The following MRTFA variants were observed in gnomAD, a reference collection of about 807,000 sequenced individuals.
The protein encoded by MRTFA is myocardin related transcription factor A, also known as myocardin-related transcription factor A.
In MRTFA, 20 loss-of-function variants were observed where a neutral mutation model predicts 83.5. The ratio of observed to expected loss-of-function variants is 0.24; its 90% CI spans 0.17 to 0.35. MRTFA has a LOEUF of 0.35. Ranked by LOEUF, MRTFA falls within the 10% of genes least tolerant of loss-of-function variation. The pLI is 1.00. For synonymous variants in MRTFA, 659 were observed against 541.2 expected (o/e 1.22, Z -3.02); for missense variants, 1,200 against 1,224.7 (o/e 0.98, Z 0.30).
chr22:40,546,638 G>A (rs1418885962), intron 3 of MRTFA, among the ~76,000 whole-genome samples: 1 of 152,216 alleles, frequency 6.6e-6, no homozygotes, highest in African/African-American at 2.4e-5. Flanking sequence ...AGAAAGCAAT[G>A]ACTGTAAACT....
rs1312569808 is a variant in MRTFA, at chr22:40,411,727, C to T, written c.2759G>A (p.Ser920Asn). 10 of 1,562,002 alleles carry T rather than the reference C, an allele frequency of 6.4e-6. No individual in the cohort carries two copies. The highest frequency in any genetic ancestry group is 8.7e-6 in the Non-Finnish European group (10 of 1,148,242). Residue 920 changes from serine to asparagine, a missense_variant, in exon 15 of 15, where the codon AGC (serine) becomes AAC (asparagine). Physicochemically the swap from Ser to Asn is conservative, Grantham distance 46. This residue lies in a region of MRTFA where 1,107 missense variants were observed against 1,041.8 expected (regional missense o/e 1.06). Coordinates refer to ENST00000355630, the MANE Select transcript of MRTFA (RefSeq NM_020831.6). The stretch of plus-strand genomic sequence containing the variant: ...GGTCAGCAGGGGCAGCCCCGTGCTG[C>T]TCTCCAGGAAGTCCTCCAGGCGTCC...
intron 3 of MRTFA, among the ~76,000 whole-genome samples, chr22:40,474,404 G>A (rs1203089449): frequency 2.6e-5 from 4 of 152,080 alleles, no homozygotes; most frequent in South Asian, 2.1e-4. Flanking sequence ...AATTGTTTAC[G>A]ATGCTAAAAC....
chr22:40,419,092 G>A lies in MRTFA; in HGVS notation c.1646C>T (p.Ser549Phe), dbSNP rs1177859414. ...GGGGGTGGGAGACACGGGGGGCGTG[G>A]AGCCCGTGCTGCCAAACTTCACCAC... is the stretch of plus-strand genomic sequence containing the variant. The change falls in exon 12 of 15, where the codon TCC becomes TTC. Residue 549 changes from serine to phenylalanine, a missense_variant. By Grantham distance (155) the Ser-to-Phe change is radical. Around this residue, in one of 2 missense-constraint regions of MRTFA, gnomAD observed 1,107 missense variants for 1,041.8 expected, o/e 1.06. Coordinates refer to ENST00000355630, the MANE Select transcript of MRTFA (RefSeq NM_020831.6). 5 of 1,600,468 alleles carry A rather than the reference G, an allele frequency of 3.1e-6. No individual in the cohort carries two copies. The highest frequency in any genetic ancestry group is 2.3e-5 in the East Asian group (1 of 44,108).
chr22:40,587,451 G>A (rs576285923), intron 2 of MRTFA: 5 of 343,352 alleles, frequency 1.5e-5, no homozygotes, highest in Admixed American at 4.1e-5. Context: ...CTCATTTGCT[G>A]AGAGGCATAG....
In MRTFA at chr22:40,503,064, C is replaced by T. The variant is rs1373981127; in HGVS notation, c.242-39778G>A. Among the ~76,000 whole-genome samples, 3 of 152,164 alleles carry T rather than the reference C, an allele frequency of 2.0e-5. No homozygotes were observed. In the East Asian group the frequency reaches 5.8e-4, roughly 29 times the overall value. On this transcript the variant is annotated intron_variant, in intron 3 of 14. Coordinates refer to ENST00000355630, the MANE Select transcript of MRTFA (RefSeq NM_020831.6). ...TAGTAAAGCTTCTGAACAACCTGTG[C>T]CTCCCTGCTCTGCTCTATTCTGCTT... is the stretch of plus-strand genomic sequence containing the variant.
intron 4 of MRTFA, among the ~76,000 whole-genome samples, chr22:40,440,859 G>A (rs2053262277): frequency 1.3e-5 from 2 of 152,142 alleles, no homozygotes; most frequent in African/African-American, 4.8e-5. Flanking sequence ...CAGAAAATAG[G>A]TTTCCAAGTT....
At chr22:40,552,917 T>C (rs1446636253) in intron 2 of MRTFA, among the ~76,000 whole-genome samples, 1 of 152,196 alleles carries the variant, frequency 6.6e-6, no homozygotes. Flanking sequence ...GTTTGGAACT[T>C]CCTAGAGACC....
intron 3 of MRTFA, among the ~76,000 whole-genome samples, chr22:40,469,446 C>T (rs2053863696): frequency 6.6e-6 from 1 of 152,174 alleles, no homozygotes; most frequent in African/African-American, 2.4e-5. Context: ...CTTCCTGAGG[C>T]CTCTCTAGAA....
intron 13 of MRTFA, 143 bp from the exon 14 acceptor site, chr22:40,417,189 C>A (rs991206572): frequency 2.9e-6 from 4 of 1,357,874 alleles, no homozygotes; most frequent in African/African-American, 1.5e-5. Flanking sequence ...ACTCCTGGAG[C>A]CCGTCCCCTA....
intron 3 of MRTFA, among the ~76,000 whole-genome samples, chr22:40,498,558 T>C (rs1311959200): frequency 6.6e-6 from 1 of 151,896 alleles, no homozygotes; most frequent in Non-Finnish European, 1.5e-5. Flanking sequence ...GCGGTAAGAT[T>C]ATAAGCATGA....
intron 4 of MRTFA, among the ~76,000 whole-genome samples, chr22:40,455,300 T>C (rs2053562034): frequency 6.6e-6 from 1 of 152,174 alleles, no homozygotes; most frequent in Non-Finnish European, 1.5e-5. Flanking sequence ...TAACATACTA[T>C]TGGACAGGGC....
chr22:40,621,587 G>C (rs2056523760), intron 1 of MRTFA, among the ~76,000 whole-genome samples: 1 of 152,142 alleles, frequency 6.6e-6, no homozygotes, highest in Admixed American at 6.6e-5. Context: ...CCACTGGACA[G>C]TACACTTAAA....
rs1385572834 is a variant in MRTFA at position 40,447,360 on chromosome 22, AG to A, written c.308-11807del. Among the ~76,000 whole-genome samples, 2 of 151,688 alleles carry A rather than the reference AG, an allele frequency of 1.3e-5. 1 individual carries two copies. The highest frequency in any genetic ancestry group is 2.9e-5 in the Non-Finnish European group (2 of 67,934). On this transcript the variant is annotated intron_variant, in intron 4 of 14. Transcript: ENST00000355630. ...AGAGTCTTTGTTTCAAAAAAAAAAA[AG>A]AAAAAAGAAAAAAAAAGTGACATTG...
rs561550339 is a variant in MRTFA, at chr22:40,528,437, C to G, written c.241+23669G>C. On this transcript the variant is annotated intron_variant, in intron 3 of 14. Coordinates refer to ENST00000355630, the MANE Select transcript of MRTFA (RefSeq NM_020831.6). ...AGGTTTCTCTCAAACTCTAAAATCC[C>G]TTAAATATAAAACTAAGTGGCCAGG... Among the ~76,000 whole-genome samples, 74 of 152,162 alleles carry G rather than the reference C, an allele frequency of 4.9e-4. 1 individual carries two copies. The highest frequency in any genetic ancestry group is 1.7e-3 in the African/African-American group (72 of 41,526).
chr22:40,630,537 CG>C (rs1328174869), intron 1 of MRTFA, among the ~76,000 whole-genome samples: 1 of 152,064 alleles, frequency 6.6e-6, no homozygotes, highest in Non-Finnish European at 1.5e-5. Context: ...TTCCTTTCGA[CG>C]TAACAAATCT....
At chr22:40,607,095 C>T (rs2056326661) in intron 1 of MRTFA, among the ~76,000 whole-genome samples, 1 of 152,200 alleles carries the variant, frequency 6.6e-6, no homozygotes, top group South Asian at 2.1e-4. Context: ...CCACTATCTG[C>T]TCAAAGTTAT....
chr22:40,535,930 T>C (rs1487419354), intron 3 of MRTFA, among the ~76,000 whole-genome samples: 1 of 152,130 alleles, frequency 6.6e-6, no homozygotes, highest in African/African-American at 2.4e-5. Flanking sequence ...GATTTGACTT[T>C]TTCTTAGCAA....
chr22:40,590,482 C>G (rs1364866137), intron 2 of MRTFA, among the ~76,000 whole-genome samples: 2 of 151,902 alleles, frequency 1.3e-5, no homozygotes, highest in Admixed American at 6.6e-5. Flanking sequence ...GCCTGGCCAA[C>G]ATGGTGAAAC....
At chr22:40,557,762 G>T (rs1321896428) in intron 2 of MRTFA, among the ~76,000 whole-genome samples, 1 of 151,698 alleles carries the variant, frequency 6.6e-6, no homozygotes, top group African/African-American at 2.4e-5. Context: ...TAGATGTCTT[G>T]GCAAAAAAAA....
Sources: allele counts gnomAD v4.1 joint callset (sites outside exome capture counted in the v4.1 genomes callset), GRCh38; gene constraint gnomAD v4.1.1; regional missense constraint gnomAD v4.1.1; transcripts MANE v1.5; gene names NCBI Gene and HGNC (gene_info 2026-07-23, HGNC 2026-07-21).